PTPMT1: variants seen among roughly 807,000 people sequenced by gnomAD.
PTPMT1 encodes the protein protein tyrosine phosphatase mitochondrial 1, also known as phosphatidylglycerophosphatase and protein-tyrosine phosphatase 1.
PTPMT1 carries 12 observed loss-of-function variants against 17.8 expected under a neutral mutation model. The observed-to-expected ratio is 0.67, with a 90% confidence interval of 0.43 to 1.09. PTPMT1 has a LOEUF of 1.09. Ranked by LOEUF, PTPMT1 falls within the 50% of genes least tolerant of loss-of-function variation. The pLI, the probability that PTPMT1 is intolerant of heterozygous loss-of-function variation, is 0.00. For missense variants in PTPMT1, 262 were observed against 266.0 expected (o/e 0.99, Z 0.10); for synonymous variants, 132 against 116.8 (o/e 1.13, Z -0.84).
At position 47,572,974 on chromosome 11, in the gene PTPMT1, C is replaced by A; in HGVS notation, c.*1345C>A. On this transcript the variant is annotated 3_prime_UTR_variant, in exon 4 of 4. Transcript: ENST00000326674. The stretch of plus-strand genomic sequence containing the variant: ...AAATTGGTAAGCAGCACCTTAATAC[C>A]TCTTGTGACAGTTACGGCTGAAGTG... The A allele has an allele frequency of 6.2e-7, 1 of 1,614,182 alleles. No individual in the cohort carries two copies. Among genetic ancestry groups the A allele is most frequent in the Non-Finnish European group, 8.5e-7 (1 of 1,180,022 alleles).
In PTPMT1 at chr11:47,565,670, C is replaced by T; in HGVS notation, c.48C>T (p.Phe16=). Residue 16 remains phenylalanine, a synonymous_variant, in exon 1 of 4, where the codon TTC becomes TTT. Transcript: ENST00000326674. ...AGGCCGGCCTGGCGCGGGTGCTCTT[C>T]TACCCGACGCTGCTCTACACCCTGT... ...LLEAGLARVL[F]YPTLLYTLFR... is the part of the protein sequence containing the mutation. 6 of 1,443,164 alleles carry T rather than the reference C, an allele frequency of 4.2e-6. No individual in the cohort carries two copies. Among genetic ancestry groups the T allele is most frequent in the Non-Finnish European group, 4.5e-6 (5 of 1,102,418 alleles). The allele number at this position is 1,443,164 out of a possible 1,614,324, so 89.4% of individuals were successfully genotyped here. A position where few individuals can be genotyped will look rare whatever the true frequency, so the allele number is the denominator to read the frequency against.
Position 47,571,476 on chromosome 11 carries a change from C to G in PTPMT1, c.453C>G (p.His151Gln), listed in dbSNP as rs1468153749. The G allele has an allele frequency of 6.2e-7, 1 of 1,613,756 alleles. No homozygotes were observed. Among genetic ancestry groups the G allele is most frequent in the South Asian group, 1.1e-5 (1 of 91,040 alleles). The change falls in exon 4 of 4, where the codon CAC becomes CAG. Residue 151 changes from histidine to glutamine, a missense_variant. Coordinates refer to ENST00000326674, the MANE Select transcript of PTPMT1 (RefSeq NM_175732.3). Reference protein sequence around the residue: ...TMVAAYLIQVHKWSPEEAVRA... With the variant: ...TMVAAYLIQVQKWSPEEAVRA... ...TTCCCAACCCTGTACTTCAGGTGCA[C>G]AAATGGAGTCCAGAGGAGGCTGTAA...
intron 2 of PTPMT1, among the ~76,000 whole-genome samples, chr11:47,567,320 C>T (rs926754939): frequency 6.6e-6 from 1 of 151,450 alleles, no homozygotes; most frequent in East Asian, 2.0e-4. Context: ...GCAGGAGAAT[C>T]GCTTGAACCC....
At chr11:47,567,519 AG>A (rs1388480801) in intron 2 of PTPMT1, among the ~76,000 whole-genome samples, 1 of 151,102 alleles carries the variant, frequency 6.6e-6, no homozygotes, top group Non-Finnish European at 1.5e-5. Context: ...TAAAGCATAA[AG>A]TTTGCCCAGT....
Position 47,569,896 on chromosome 11 carries a change from C to T in PTPMT1, c.447+5C>T, listed in dbSNP as rs998580022. ...GTGGCAGCATACCTGATTCAGGTAC[C>T]AAAGTTCTTTCTGGGCTGGGCATCG... On this transcript the variant is annotated splice_donor_5th_base_variant and intron_variant, in intron 3 of 3. Transcript: ENST00000326674. The T allele has an allele frequency of 1.2e-5, 19 of 1,607,792 alleles. No homozygotes were observed. The highest frequency in any genetic ancestry group is 1.6e-5 in the Non-Finnish European group (19 of 1,176,532).
intron 3 of PTPMT1, among the ~76,000 whole-genome samples, 194 bp from the exon 4 acceptor site, chr11:47,571,277 T>C (rs2097249505): frequency 6.6e-6 from 1 of 152,180 alleles, no homozygotes; most frequent in African/African-American, 2.4e-5. Flanking sequence ...TTGCATAGTA[T>C]TGTGAGACTG....
rs1000305009 is a variant in PTPMT1 at position 47,571,536 on chromosome 11, C to T, written c.513C>T (p.Ile171=). ...CCAAGATCCGGTCATACATCCACATCAGGCCTGGCCAGCTGGATGTTCTTA... is the reference window on the plus strand; with the variant it reads ...CCAAGATCCGGTCATACATCCACATTAGGCCTGGCCAGCTGGATGTTCTTA... ...AIAKIRSYIH[I]RPGQLDVLKE... The change falls in exon 4 of 4, where the codon ATC becomes ATT. Residue 171 remains isoleucine, a synonymous_variant. Coordinates refer to ENST00000326674, the MANE Select transcript of PTPMT1 (RefSeq NM_175732.3). 1 of 1,613,962 alleles carries T rather than the reference C, an allele frequency of 6.2e-7. No homozygotes were observed. Among genetic ancestry groups the T allele is most frequent in the Non-Finnish European group, 8.5e-7 (1 of 1,179,972 alleles).
rs775037739 is a variant in PTPMT1 at position 47,569,762 on chromosome 11, C to T, written c.318C>T (p.Pro106=). 5 of 1,614,084 alleles carry T rather than the reference C, an allele frequency of 3.1e-6. No individual in the cohort carries two copies. In the South Asian group the frequency reaches 5.5e-5, roughly 18 times the overall value. Reference sequence around the variant, plus strand: ...GCACAGTAGACATGACTGGGATCCCCACCTTGGACAACCTCCAGAAGGGAG... The same window carrying T: ...GCACAGTAGACATGACTGGGATCCCTACCTTGGACAACCTCCAGAAGGGAG... ...RLSTVDMTGI[P]TLDNLQKGVQ... Residue 106 remains proline, a synonymous_variant, in exon 3 of 4, where the codon CCC becomes CCT. Transcript: ENST00000326674.
chr11:47,567,973 G>A (rs1214546788), intron 2 of PTPMT1, among the ~76,000 whole-genome samples: 2 of 151,904 alleles, frequency 1.3e-5, no homozygotes, highest in Non-Finnish European at 2.9e-5. Flanking sequence ...GGCTGGAAGT[G>A]CAGTGGCACG....
At position 47,572,634 on chromosome 11, in the gene PTPMT1, A is replaced by G; in HGVS notation, c.*1005A>G. ...ATTTAACATTGATCAGGTAAAGAGGAGAGGCTGTGCCTAAGGTCTGAGAAA... is the reference window on the plus strand; with the variant it reads ...ATTTAACATTGATCAGGTAAAGAGGGGAGGCTGTGCCTAAGGTCTGAGAAA... On this transcript the variant is annotated 3_prime_UTR_variant, in exon 4 of 4. Transcript: ENST00000326674. 1 of 417,586 alleles carries G rather than the reference A, an allele frequency of 2.4e-6. No individual in the cohort carries two copies. Among genetic ancestry groups the G allele is most frequent in the Non-Finnish European group, 4.3e-6 (1 of 231,932 alleles). 25.9% of individuals were successfully genotyped at this position (417,586 alleles called of 1,614,324 possible).
intron 2 of PTPMT1, among the ~76,000 whole-genome samples, chr11:47,566,299 A>G (rs1027136282): frequency 6.6e-6 from 1 of 152,072 alleles, no homozygotes; most frequent in Non-Finnish European, 1.5e-5. Flanking sequence ...CCTGGGCAAC[A>G]TGGCGAGGCC....
In PTPMT1 at chr11:47,565,762, T is replaced by C. The variant is rs1377697185; in HGVS notation, c.140T>C (p.Leu47Pro). The part of the protein sequence containing the change: ...WYHRIDPTVL[L>P]GALPLRSLTR... ...CACCGCATCGACCCCACCGTGCTGC[T>C]GGGCGCGCTGCCGTTGCGGAGCTTG... is the stretch of plus-strand genomic sequence containing the variant. Residue 47 changes from leucine to proline, a missense_variant, in exon 1 of 4, where the codon CTG (leucine) becomes CCG (proline). Leu to Pro is a moderately conservative substitution (Grantham distance 98, BLOSUM62 -3). Coordinates refer to ENST00000326674, the MANE Select transcript of PTPMT1 (RefSeq NM_175732.3). 1 of 1,594,176 alleles carries C rather than the reference T, an allele frequency of 6.3e-7. No homozygotes were observed. Among genetic ancestry groups the C allele is most frequent in the Non-Finnish European group, 8.5e-7 (1 of 1,171,846 alleles).
At chr11:47,570,262 A>G (rs571527055) in intron 3 of PTPMT1, among the ~76,000 whole-genome samples, 83 of 151,014 alleles carry the variant, frequency 5.5e-4, no homozygotes, top group Non-Finnish European at 1.1e-3. Context: ...AGCATGGTCT[A>G]CTGGTGGGCC....
chr11:47,566,018 G>A (rs2097243374), intron 2 of PTPMT1, 32 bp downstream of exon 2: 6 of 1,377,164 alleles, frequency 4.4e-6, no homozygotes, highest in Non-Finnish European at 5.6e-6. Context: ...CAGGCTCGGG[G>A]GCCCGCTCCC....
chr11:47,565,905 G>A lies in PTPMT1; in HGVS notation c.175-1G>A, dbSNP rs2097243084. 1.2e-6 allele frequency: 2 copies of A among 1,612,600 alleles called. No homozygotes were observed. The highest frequency in any genetic ancestry group is 1.7e-6 in the Non-Finnish European group (2 of 1,179,506). ...GCTGAGCCACCTCTTTGCCTCGGCA[G>A]CTGGTACAGGACGAGAACGTGCGCG... On this transcript the variant is annotated splice_acceptor_variant, in intron 1 of 3. Transcript: ENST00000326674. LOFTEE classifies it high-confidence loss of function.
rs1432094475 is a variant in PTPMT1, at chr11:47,566,786, C to A, written c.255+800C>A. On this transcript the variant is annotated intron_variant, in intron 2 of 3. Coordinates refer to ENST00000326674, the MANE Select transcript of PTPMT1 (RefSeq NM_175732.3). The stretch of plus-strand genomic sequence containing the variant: ...ACTATCCATTGAAAACTGTAGAGTT[C>A]ATTTGGCTCTGATTTGGGGGAATTT... Among the ~76,000 whole-genome samples the A allele has an allele frequency of 2.0e-5, 3 of 152,130 alleles. No individual in the cohort carries two copies. In the East Asian group the frequency reaches 5.8e-4, roughly 29 times the overall value.
At chr11:47,567,670 C>T (rs527778904) in intron 2 of PTPMT1, among the ~76,000 whole-genome samples, 31 of 150,896 alleles carry the variant, frequency 2.1e-4, no homozygotes, top group African/African-American at 7.3e-4. Flanking sequence ...AGTGATTCTC[C>T]TGCCTCAGCC....
At position 47,572,702 on chromosome 11, in the gene PTPMT1, G is replaced by A. The variant is rs1381406555; in HGVS notation, c.*1073G>A. ...GCTGTGGTGAGGCACAGGATGACTA[G>A]GGAATGGCAGAGAACAGGCTGGCCT... On this transcript the variant is annotated 3_prime_UTR_variant, in exon 4 of 4. Transcript: ENST00000326674. 3 of 564,720 alleles carry A rather than the reference G, an allele frequency of 5.3e-6. No individual in the cohort carries two copies. Among genetic ancestry groups the A allele is most frequent in the African/African-American group, 3.7e-5 (2 of 53,404 alleles). 35.0% of individuals were successfully genotyped at this position (564,720 alleles called of 1,614,324 possible). A position where few individuals can be genotyped will look rare whatever the true frequency, so the allele number is the denominator to read the frequency against.
At position 47,565,662 on chromosome 11, in the gene PTPMT1, G is replaced by T. The variant is rs759550102; in HGVS notation, c.40G>T (p.Val14Leu). 26 of 1,394,278 alleles carry T rather than the reference G, an allele frequency of 1.9e-5. No individual in the cohort carries two copies. The South Asian group carries it at 3.9e-4, about 21-fold the overall frequency. The allele number at this position is 1,394,278 out of a possible 1,614,324, so 86.4% of individuals were successfully genotyped here. ...TALLEAGLAR[V>L]LFYPTLLYTL... Reference sequence around the variant, plus strand: ...GCTGCTGGAGGCCGGCCTGGCGCGGGTGCTCTTCTACCCGACGCTGCTCTA... The same window carrying T: ...GCTGCTGGAGGCCGGCCTGGCGCGGTTGCTCTTCTACCCGACGCTGCTCTA... Residue 14 changes from valine (V) to leucine (L), a missense_variant, in exon 1 of 4, where the codon GTG (valine) becomes TTG (leucine). Transcript: ENST00000326674.
Sources: allele counts gnomAD v4.1 joint callset (sites outside exome capture counted in the v4.1 genomes callset), GRCh38; gene constraint gnomAD v4.1.1; transcripts MANE v1.5; gene names NCBI Gene and HGNC (gene_info 2026-07-23, HGNC 2026-07-21).